TTC21B: variants seen among roughly 807,000 people sequenced by gnomAD.
TTC21B encodes the protein tetratricopeptide repeat domain 21B.
Under a neutral mutation model 175.1 loss-of-function variants are expected in TTC21B, and 127 were observed. The ratio of observed to expected loss-of-function variants is 0.73; its 90% CI spans 0.63 to 0.84. TTC21B has a LOEUF of 0.84. TTC21B is among the 40% of genes least tolerant of loss of function. The pLI is 0.00. For missense variants in TTC21B, 1,561 were observed against 1,558.3 expected, an observed-to-expected ratio of 1.00 and a Z score of -0.03; for synonymous variants, 524 against 524.5, an observed-to-expected ratio of 1.00 and a Z score of 0.01.
chr2:165,877,354 CTA>C (rs1365135568), intron 27 of TTC21B, among the ~76,000 whole-genome samples: 2 of 152,168 alleles, frequency 1.3e-5, no homozygotes, highest in Non-Finnish European at 2.9e-5. Flanking sequence ...AAAATTCACA[CTA>C]TTTTATATAT....
At chr2:165,897,739 G>A (rs1685417784) in intron 22 of TTC21B, among the ~76,000 whole-genome samples, 1 of 152,114 alleles carries the variant, frequency 6.6e-6, no homozygotes, top group African/African-American at 2.4e-5. Context: ...CTGAAGCTAC[G>A]AGTGTTCTAA....
At chr2:165,950,070 T>TAAA (rs769740344) in intron 1 of TTC21B, among the ~76,000 whole-genome samples, 14 of 128,868 alleles carry the variant, frequency 1.1e-4, no homozygotes, top group South Asian at 2.5e-4. Flanking sequence ...AAACAGGAAC[T>TAAA]AAAAAAAAAA....
chr2:165,883,578 T>A (rs1014711963), intron 26 of TTC21B, among the ~76,000 whole-genome samples: 1 of 152,206 alleles, frequency 6.6e-6, no homozygotes, highest in Non-Finnish European at 1.5e-5. Flanking sequence ...CAGCTGAAAC[T>A]TGAAATTGCA....
At chr2:165,937,077 A>C (rs1467530225) in intron 6 of TTC21B, among the ~76,000 whole-genome samples, 3 of 152,112 alleles carry the variant, frequency 2.0e-5, no homozygotes, top group Admixed American at 6.6e-5. Flanking sequence ...ACTGTGGTAC[A>C]TCGAAACAAT....
At chr2:165,940,439 C>T (rs192319665) in intron 6 of TTC21B, among the ~76,000 whole-genome samples, 3 of 152,274 alleles carry the variant, frequency 2.0e-5, no homozygotes, top group Non-Finnish European at 1.5e-5. Flanking sequence ...GGCTCACTCC[C>T]ACCCTTTGTC....
At chr2:165,902,709 T>C (rs1284551692) in intron 19 of TTC21B, among the ~76,000 whole-genome samples, 1 of 152,238 alleles carries the variant, frequency 6.6e-6, no homozygotes, top group Non-Finnish European at 1.5e-5. Flanking sequence ...TACACATGCA[T>C]ACATCTGTTC....
chr2:165,939,643 G>A (rs1687291891), intron 6 of TTC21B, among the ~76,000 whole-genome samples: 1 of 152,086 alleles, frequency 6.6e-6, no homozygotes, highest in Admixed American at 6.6e-5. Flanking sequence ...ACTAGCTATA[G>A]CCTAGACCTC....
chr2:165,904,742 A>G (rs1685674578), intron 19 of TTC21B, among the ~76,000 whole-genome samples: 2 of 152,254 alleles, frequency 1.3e-5, no homozygotes, highest in East Asian at 1.9e-4. Flanking sequence ...TGCTTCCAAC[A>G]TATCACAGGG....
chr2:165,944,091 A>T (rs1687465416), intron 4 of TTC21B, among the ~76,000 whole-genome samples: 1 of 152,130 alleles, frequency 6.6e-6, no homozygotes, highest in East Asian at 1.9e-4. Context: ...ACAAATAAGG[A>T]TCTTAACCAA....
intron 24 of TTC21B, among the ~76,000 whole-genome samples, chr2:165,888,877 A>G (rs1051636739): frequency 2.6e-5 from 4 of 151,828 alleles, no homozygotes; most frequent in Non-Finnish European, 5.9e-5. Context: ...ATTTCATTCT[A>G]TGTTTAATCC....
chr2:165,934,367 T>G (rs10221772), intron 6 of TTC21B, among the ~76,000 whole-genome samples: 1 of 151,588 alleles, frequency 6.6e-6, no homozygotes, highest in African/African-American at 2.4e-5. Context: ...CAGGGCGTGG[T>G]GGTGGGTGCC....
intron 22 of TTC21B, among the ~76,000 whole-genome samples, chr2:165,895,915 A>G (rs1685346634): frequency 6.6e-6 from 1 of 152,174 alleles, no homozygotes; most frequent in African/African-American, 2.4e-5. Context: ...ATAAAGAGAA[A>G]GTGTTGATAT....
At chr2:165,919,867 T>C (rs1156230512) in intron 12 of TTC21B, among the ~76,000 whole-genome samples, 1 of 152,194 alleles carries the variant, frequency 6.6e-6, no homozygotes, top group Non-Finnish European at 1.5e-5. Flanking sequence ...TCATTCTTGG[T>C]CAAAAATTCT....
rs1354853049 is a variant in TTC21B at position 165,921,957 on chromosome 2, T to C, written c.1517-2524A>G. Reference sequence around the variant, plus strand: ...CACTGTACCCAATGTACATAGTCTTTTATCCCTCCCTCACTCTCCTCCCAC... The same window carrying C: ...CACTGTACCCAATGTACATAGTCTTCTATCCCTCCCTCACTCTCCTCCCAC... On this transcript the variant is annotated intron_variant, in intron 12 of 28. Transcript: ENST00000243344. 5.3e-5 allele frequency among the ~76,000 whole-genome samples: 8 copies of C among 152,112 alleles called. No individual in the cohort carries two copies. In the South Asian group the frequency reaches 1.2e-3, roughly 24 times the overall value.
At chr2:165,883,650 G>T in intron 26 of TTC21B, 144 bp downstream of exon 26, 1 of 694,462 alleles carries the variant, frequency 1.4e-6, no homozygotes, top group Non-Finnish European at 2.5e-6. Context: ...ATTAATGCTT[G>T]TTTCCTGATT....
intron 22 of TTC21B, among the ~76,000 whole-genome samples, chr2:165,895,149 A>T (rs1375689921): frequency 6.6e-6 from 1 of 152,142 alleles, no homozygotes; most frequent in Non-Finnish European, 1.5e-5. Flanking sequence ...AAAAGGGATA[A>T]GGAAGCTAAA....
intron 25 of TTC21B, among the ~76,000 whole-genome samples, chr2:165,887,821 C>T (rs982208591): frequency 3.3e-5 from 5 of 152,102 alleles, no homozygotes; most frequent in African/African-American, 9.7e-5. Context: ...TAAAGAATAT[C>T]ATTATTTGTA....
Position 165,927,344 on chromosome 2 carries a change from TATATA to T in TTC21B, c.1386+1786_1386+1790del, listed in dbSNP as rs1404849943. Among the ~76,000 whole-genome samples, 621 of 94,438 alleles carry T rather than the reference TATATA, an allele frequency of 6.6e-3. 18 individuals carry two copies. Among genetic ancestry groups the T allele is most frequent in the African/African-American group, 0.021 (586 of 28,014 alleles). 62.0% of individuals were successfully genotyped at this position (94,438 alleles called of 152,430 possible). On this transcript the variant is annotated intron_variant, in intron 11 of 28. Transcript: ENST00000243344. ...TAATATATATATAATATATAATATA[TATATA>T]ATATATTTTATATATATATATATAT... is the stretch of plus-strand genomic sequence containing the variant.
At chr2:165,917,916 CA>C (rs1686238225) in intron 13 of TTC21B, among the ~76,000 whole-genome samples, 1 of 152,106 alleles carries the variant, frequency 6.6e-6, no homozygotes, top group African/African-American at 2.4e-5. Context: ...ACATTTTAAT[CA>C]AACATTGACC....
Sources: gnomAD v4.1 joint callset for allele counts (sites outside exome capture counted in the v4.1 genomes callset) on GRCh38, gnomAD v4.1.1 for gene constraint, MANE v1.5 for transcripts, NCBI Gene and HGNC (gene_info 2026-07-23, HGNC 2026-07-21) for gene names.